Variants in TAGLN3 observed in about 807,000 individuals in gnomAD.
TAGLN3 encodes transgelin-3.
TAGLN3 carries 12 observed loss-of-function variants against 25.4 expected under a neutral mutation model. The observed-to-expected ratio is 0.47, with a 90% CI of 0.30 to 0.77. The LOEUF (loss-of-function observed/expected upper bound fraction) is 0.77. TAGLN3 is among the 30% of genes least tolerant of loss of function. TAGLN3 has a pLI of 0.06. For synonymous variants in TAGLN3, 96 were observed against 94.8 expected, an observed-to-expected ratio of 1.01 and a Z score of -0.08; for missense variants, 218 against 255.8, an observed-to-expected ratio of 0.85 and a Z score of 1.01.
chr3:112,008,644 T>C (rs2072943763), intron 3 of TAGLN3, among the ~76,000 whole-genome samples: 1 of 152,266 alleles, frequency 6.6e-6, no homozygotes, highest in East Asian at 1.9e-4. Context: ...GCTTCTGAAC[T>C]GGCAAAACAA....
chr3:112,004,488 G>A (rs768918048), intron 3 of TAGLN3, among the ~76,000 whole-genome samples: 26 of 152,122 alleles, frequency 1.7e-4, no homozygotes, highest in Non-Finnish European at 3.7e-4. Context: ...AGCTTATCCT[G>A]GAAAGTATTA....
intron 3 of TAGLN3, among the ~76,000 whole-genome samples, chr3:112,001,321 T>C (rs2072857333): frequency 6.6e-6 from 1 of 152,204 alleles, no homozygotes; most frequent in Admixed American, 6.5e-5. Context: ...CTGCAGCTTA[T>C]AGACAAAGCC....
intron 3 of TAGLN3, among the ~76,000 whole-genome samples, chr3:112,009,803 C>T (rs2072955920): frequency 6.6e-6 from 1 of 151,904 alleles, no homozygotes; most frequent in African/African-American, 2.4e-5. Context: ...TGCCCGCTTC[C>T]CTAGTGGCTT....
intron 4 of TAGLN3, among the ~76,000 whole-genome samples, chr3:112,013,066 G>A (rs2072996427): frequency 6.6e-6 from 1 of 152,200 alleles, no homozygotes; most frequent in Admixed American, 6.5e-5. Flanking sequence ...AAGAAAAGCT[G>A]AGAGTGAATT....
chr3:112,005,714 T>A (rs2072909828), intron 3 of TAGLN3, among the ~76,000 whole-genome samples: 1 of 134,692 alleles, frequency 7.4e-6, no homozygotes, highest in Admixed American at 7.7e-5. Context: ...TTTTTTTTTT[T>A]TTTGAGATGG....
At chr3:112,009,064 C>A (rs1415893573) in intron 3 of TAGLN3, among the ~76,000 whole-genome samples, 1 of 152,074 alleles carries the variant, frequency 6.6e-6, no homozygotes, top group Non-Finnish European at 1.5e-5. Context: ...CTTAAACAGC[C>A]AGATCTTGTG....
At chr3:112,007,958 A>G (rs1354068692) in intron 3 of TAGLN3, among the ~76,000 whole-genome samples, 1 of 152,198 alleles carries the variant, frequency 6.6e-6, no homozygotes, top group African/African-American at 2.4e-5. Flanking sequence ...CTGCCCCAGA[A>G]TCTGAATATT....
At chr3:112,004,408 G>A (rs1348195898) in intron 3 of TAGLN3, among the ~76,000 whole-genome samples, 3 of 151,384 alleles carry the variant, frequency 2.0e-5, no homozygotes, top group Non-Finnish European at 4.4e-5. Context: ...GTGTGTGTAA[G>A]AGAGAGAGAG....
At chr3:112,009,198 C>T (rs1046815875) in intron 3 of TAGLN3, among the ~76,000 whole-genome samples, 23 of 152,146 alleles carry the variant, frequency 1.5e-4, no homozygotes, top group African/African-American at 2.9e-4. Flanking sequence ...GGTCACGTTT[C>T]GACATGAGAT....
At chr3:112,013,308 A>G in intron 4 of TAGLN3, 102 bp from the exon 5 acceptor site, 1 of 1,437,952 alleles carries the variant, frequency 7.0e-7, no homozygotes. Flanking sequence ...GGACCTGCTG[A>G]TCTATTTGGG....
chr3:112,005,717 T>G (rs1198226245), intron 3 of TAGLN3, among the ~76,000 whole-genome samples: 7 of 137,488 alleles, frequency 5.1e-5, no homozygotes, highest in Non-Finnish European at 9.5e-5. Context: ...TTTTTTTTTT[T>G]GAGATGGAGT....
chr3:112,003,383 G>T (rs527874531), intron 3 of TAGLN3, among the ~76,000 whole-genome samples: 4 of 152,164 alleles, frequency 2.6e-5, no homozygotes, highest in African/African-American at 9.7e-5. Context: ...GGGAGGGGAA[G>T]GCTGACAGTA....
intron 4 of TAGLN3, among the ~76,000 whole-genome samples, chr3:112,012,249 TCCCTCC>T (rs1559944479): frequency 2.9e-5 from 2 of 68,192 alleles, no homozygotes; most frequent in South Asian, 5.3e-4. Flanking sequence ...CCTCCCTCCC[TCCCTCC>T]CTTCCTTCCT....
intron 3 of TAGLN3, among the ~76,000 whole-genome samples, chr3:112,003,808 A>G (rs1475237413): frequency 6.6e-6 from 1 of 152,092 alleles, no homozygotes; most frequent in Non-Finnish European, 1.5e-5. Flanking sequence ...TCTTCTCCCA[A>G]GTAGGGCTCT....
chr3:112,007,118 C>T (rs959325701), intron 3 of TAGLN3, among the ~76,000 whole-genome samples: 1 of 152,142 alleles, frequency 6.6e-6, no homozygotes, highest in African/African-American at 2.4e-5. Flanking sequence ...GTTTTAGGGT[C>T]ACAGCAAAAT....
At chr3:112,012,016 A>G in intron 4 of TAGLN3, 151 bp downstream of exon 4, 3 of 683,944 alleles carry the variant, frequency 4.4e-6, no homozygotes, top group Non-Finnish European at 7.1e-6. Flanking sequence ...GCAATGAAAG[A>G]CTGATGCTTC....
Position 111,999,586 on chromosome 3 carries a change from G to T in TAGLN3, c.164G>T (p.Trp55Leu). 6.2e-7 allele frequency: 1 copy of T among 1,614,034 alleles called. No individual in the cohort carries two copies. Among genetic ancestry groups the T allele is most frequent in the Non-Finnish European group, 8.5e-7 (1 of 1,179,962 alleles). Residue 55 changes from tryptophan (W) to leucine (L), a missense_variant, in exon 2 of 5, where the codon TGG (tryptophan) becomes TTG (leucine). Trp to Leu is a moderately conservative substitution (Grantham distance 61). Coordinates refer to ENST00000478951, the MANE Select transcript of TAGLN3 (RefSeq NM_001008272.2). ...PPPGRAHFQK[W>L]LMDGTVLCKL... ...CCCGGCAGGGCCCATTTTCAGAAAT[G>T]GTTAATGGACGGGACGGTAAGGCCG...
At chr3:112,000,684 G>A in intron 2 of TAGLN3, 88 bp from the exon 3 acceptor site, 1 of 1,427,118 alleles carries the variant, frequency 7.0e-7, no homozygotes. Flanking sequence ...TGGATGAGCA[G>A]TGTCCCACGT....
intron 3 of TAGLN3, among the ~76,000 whole-genome samples, chr3:112,008,549 T>G (rs973639667): frequency 1.3e-5 from 2 of 152,144 alleles, no homozygotes; most frequent in Admixed American, 1.3e-4. Flanking sequence ...TGCACTTAAA[T>G]TTTTGACCCC....
Sources: allele counts gnomAD v4.1 joint callset (sites outside exome capture counted in the v4.1 genomes callset), GRCh38; gene constraint gnomAD v4.1.1; transcripts MANE v1.5; gene names NCBI Gene and HGNC (gene_info 2026-07-23, HGNC 2026-07-21).